Variants in CPN1 observed in about 807,000 individuals in gnomAD.
CPN1 encodes carboxypeptidase N subunit 1.
In CPN1, 37 loss-of-function variants were observed where a neutral mutation model predicts 46.4. That is an observed-to-expected ratio of 0.80 (90% CI 0.61 to 1.05). The LOEUF is 1.05. CPN1 is among the 50% of genes least tolerant of loss of function. The pLI is 0.00. For synonymous variants in CPN1, 224 were observed against 235.4 expected (o/e 0.95, Z 0.44); for missense variants, 563 against 602.6 (o/e 0.93, Z 0.69).
chr10:100,054,818 T>A (rs1296825669), intron 6 of CPN1, among the ~76,000 whole-genome samples: 2 of 151,394 alleles, frequency 1.3e-5, no homozygotes, highest in African/African-American at 4.8e-5. Flanking sequence ...CACACTGGTG[T>A]CCTGGTTTTC....
chr10:100,069,284 C>G (rs186749393), intron 3 of CPN1, among the ~76,000 whole-genome samples: 1 of 152,224 alleles, frequency 6.6e-6, no homozygotes, highest in East Asian at 1.9e-4. Flanking sequence ...GAGTTTGAGA[C>G]CAGCCTGGTC....
At chr10:100,078,033 TTTC>T (rs2041525149) in intron 1 of CPN1, among the ~76,000 whole-genome samples, 1 of 152,080 alleles carries the variant, frequency 6.6e-6, no homozygotes, top group Non-Finnish European at 1.5e-5. Context: ...GGCTCTCCTT[TTTC>T]TTTTTTCTTT....
chr10:100,057,473 C>A (rs1398552758), intron 5 of CPN1, among the ~76,000 whole-genome samples: 2 of 152,124 alleles, frequency 1.3e-5, no homozygotes, highest in South Asian at 2.1e-4. Context: ...GGACCAGGTT[C>A]GTCCCTTAAT....
chr10:100,056,717 CT>C (rs34591682), intron 6 of CPN1, among the ~76,000 whole-genome samples: 415 of 142,100 alleles, frequency 2.9e-3, no homozygotes, highest in Non-Finnish European at 2.8e-3. Flanking sequence ...GCTTGGCTAT[CT>C]TTTTTTTTTT....
intron 7 of CPN1, among the ~76,000 whole-genome samples, chr10:100,049,552 C>T (rs534502217): frequency 2.6e-5 from 4 of 151,818 alleles, no homozygotes; most frequent in Admixed American, 6.6e-5. Context: ...CATGAGCCAC[C>T]GAGCCCGGCC....
intron 2 of CPN1, among the ~76,000 whole-genome samples, chr10:100,070,106 C>A (rs1410848364): frequency 6.6e-6 from 1 of 151,372 alleles, no homozygotes; most frequent in Non-Finnish European, 1.5e-5. Context: ...TTATTCTTTT[C>A]TTTTTTTGGT....
intron 1 of CPN1, among the ~76,000 whole-genome samples, chr10:100,078,933 G>A (rs371749040): frequency 1.2e-4 from 19 of 152,282 alleles, no homozygotes; most frequent in Non-Finnish European, 2.1e-4. Flanking sequence ...GGCTGGAGCC[G>A]CACTGGCCCC....
At chr10:100,052,486 A>C (rs991204510) in intron 7 of CPN1, among the ~76,000 whole-genome samples, 1 of 151,976 alleles carries the variant, frequency 6.6e-6, no homozygotes, top group Non-Finnish European at 1.5e-5. Flanking sequence ...CAAACTGTTG[A>C]GATTACAAGC....
chr10:100,068,048 A>T (rs541659733), intron 3 of CPN1, among the ~76,000 whole-genome samples: 1 of 151,256 alleles, frequency 6.6e-6, no homozygotes, highest in East Asian at 2.0e-4. Flanking sequence ...GCTACTCAGG[A>T]GACTGAGGCA....
intron 3 of CPN1, among the ~76,000 whole-genome samples, chr10:100,069,211 C>A (rs1045373012): frequency 6.6e-6 from 1 of 152,162 alleles, no homozygotes; most frequent in African/African-American, 2.4e-5. Context: ...TAACCAGGCA[C>A]GGTGGCTCAC....
chr10:100,081,045 C>T (rs1229277515), intron 1 of CPN1, among the ~76,000 whole-genome samples: 1 of 152,160 alleles, frequency 6.6e-6, no homozygotes, highest in East Asian at 1.9e-4. Context: ...TTGTTTTTGC[C>T]TATGTCTCCT....
chr10:100,077,402 T>C (rs1412434632), intron 1 of CPN1, among the ~76,000 whole-genome samples: 1 of 152,038 alleles, frequency 6.6e-6, no homozygotes, highest in Non-Finnish European at 1.5e-5. Flanking sequence ...GGCTGATTTT[T>C]ATATTTTTAA....
In CPN1 at chr10:100,065,331, A is replaced by G; in HGVS notation, c.616T>C (p.Ser206Pro). 1 of 1,614,180 alleles carries G rather than the reference A, an allele frequency of 6.2e-7. No homozygotes were observed. The highest frequency in any genetic ancestry group is 8.5e-7 in the Non-Finnish European group (1 of 1,180,036). The change falls in exon 4 of 9, where the codon TCC becomes CCC. Residue 206 changes from serine (S) to proline (P), a missense_variant. Coordinates refer to ENST00000370418, the MANE Select transcript of CPN1 (RefSeq NM_001308.3). Reference protein sequence around the residue: ...ETRAVIRWMHSFNFVLSANLH... With the variant: ...ETRAVIRWMHPFNFVLSANLH... ...TTGGCTGAAAGAACAAAGTTGAAGG[A>G]GTGCATCCACCGGATCACCGCCCGG...
chr10:100,051,045 T>C (rs2041349850), intron 7 of CPN1, among the ~76,000 whole-genome samples: 1 of 152,166 alleles, frequency 6.6e-6, no homozygotes, highest in Non-Finnish European at 1.5e-5. Flanking sequence ...AAAATTTCTT[T>C]TATCATCTTC....
At chr10:100,057,992 G>T (rs1400473868) in intron 5 of CPN1, among the ~76,000 whole-genome samples, 2 of 152,066 alleles carry the variant, frequency 1.3e-5, no homozygotes, top group African/African-American at 4.8e-5. Context: ...GAAACATCCA[G>T]CACCCCCTTC....
chr10:100,048,794 T>C lies in CPN1; in HGVS notation c.1194A>G (p.Thr398=), dbSNP rs749592262. ...CCGCAGGACCCACGGTCACAGTTACTGTCTCTGGGTCATACCCAGGTGCTG... is the reference window on the plus strand; with the variant it reads ...CCGCAGGACCCACGGTCACAGTTACCGTCTCTGGGTCATACCCAGGTGCTG... The part of the protein sequence containing the change: ...SATAPGYDPE[T]VTVTVGPAEP... The change falls in exon 8 of 9, where the codon ACA becomes ACG. Residue 398 remains threonine, a synonymous_variant. Coordinates refer to ENST00000370418, the MANE Select transcript of CPN1 (RefSeq NM_001308.3). The C allele has an allele frequency of 1.9e-6, 3 of 1,613,708 alleles. No individual in the cohort carries two copies. The highest frequency in any genetic ancestry group is 2.5e-6 in the Non-Finnish European group (3 of 1,179,682).
chr10:100,043,803 C>T (rs947211247), intron 8 of CPN1, among the ~76,000 whole-genome samples: 1 of 152,028 alleles, frequency 6.6e-6, no homozygotes, highest in Non-Finnish European at 1.5e-5. Context: ...GCCACCACAT[C>T]CTGCTTGGAT....
chr10:100,065,854 A>T (rs530805141), intron 3 of CPN1, among the ~76,000 whole-genome samples: 1 of 152,060 alleles, frequency 6.6e-6, no homozygotes, highest in Non-Finnish European at 1.5e-5. Flanking sequence ...TGGGGAGTAT[A>T]TGAGAACTCT....
At chr10:100,081,271 G>T in intron 1 of CPN1, 132 bp downstream of exon 1, 1 of 801,598 alleles carries the variant, frequency 1.2e-6, no homozygotes, top group Non-Finnish European at 2.1e-6. Context: ...GAGGGAAATA[G>T]CACAGGCTGA....
Sources: allele counts gnomAD v4.1 joint callset (sites outside exome capture counted in the v4.1 genomes callset), GRCh38; gene constraint gnomAD v4.1.1; transcripts MANE v1.5; gene names NCBI Gene and HGNC (gene_info 2026-07-23, HGNC 2026-07-21).